RGS12: variants seen among roughly 807,000 people sequenced by gnomAD.
The protein encoded by RGS12 is regulator of G-protein signaling 12.
Under a neutral mutation model 120.1 loss-of-function variants are expected in RGS12, and 66 were observed. The observed-to-expected ratio is 0.55, with a 90% CI of 0.45 to 0.67. RGS12 has a LOEUF of 0.67. RGS12 is among the 30% of genes least tolerant of loss of function. RGS12 has a pLI of 0.00. For missense variants in RGS12, 1,859 were observed against 1,957.7 expected (o/e 0.95, Z 0.95); for synonymous variants, 827 against 804.7 (o/e 1.03, Z -0.47).
intron 4 of RGS12, among the ~76,000 whole-genome samples, chr4:3,394,325 G>A (rs570469342): frequency 6.6e-6 from 1 of 152,234 alleles, no homozygotes; most frequent in African/African-American, 2.4e-5. Context: ...ACCACGCCTG[G>A]CTAATTTTTG....
At chr4:3,313,723 C>T (rs990077143) in intron 1 of RGS12, among the ~76,000 whole-genome samples, 1 of 152,186 alleles carries the variant, frequency 6.6e-6, no homozygotes, top group African/African-American at 2.4e-5. Flanking sequence ...GGCTCGAGAC[C>T]CATCCTTGAA....
At chr4:3,356,848 A>G (rs1029716608) in intron 3 of RGS12, among the ~76,000 whole-genome samples, 7 of 152,172 alleles carry the variant, frequency 4.6e-5, no homozygotes, top group Non-Finnish European at 7.3e-5. Flanking sequence ...TAACACTGCT[A>G]TGAATATGGG....
At chr4:3,371,278 G>A (rs371434601) in intron 3 of RGS12, among the ~76,000 whole-genome samples, 21 of 152,334 alleles carry the variant, frequency 1.4e-4, no homozygotes, top group African/African-American at 5.1e-4. Flanking sequence ...CGTGCCTGCC[G>A]CGGGCCGCCT....
At position 3,417,166 on chromosome 4, in the gene RGS12, G is replaced by A. The variant is rs929402341; in HGVS notation, c.2607+74G>A. On this transcript the variant is annotated intron_variant, in intron 8 of 17. Transcript: ENST00000336727. ...AGCTGAGAGCTGTTCTGTGGGGAGT[G>A]AAAAGAGGCCCTGTCGGCGTCTTCA... 4.1e-6 allele frequency: 6 copies of A among 1,454,850 alleles called. No homozygotes were observed. In the African/African-American group the frequency reaches 8.6e-5, roughly 21 times the overall value. 90.1% of individuals were successfully genotyped at this position (1,454,850 alleles called of 1,614,324 possible).
At chr4:3,355,093 G>T (rs114764950) in intron 3 of RGS12, among the ~76,000 whole-genome samples, 7 of 152,138 alleles carry the variant, frequency 4.6e-5, no homozygotes, top group African/African-American at 1.4e-4. Flanking sequence ...TTTATAAAAA[G>T]GGTAACATAC....
At chr4:3,373,080 C>T (rs543980005) in intron 3 of RGS12, among the ~76,000 whole-genome samples, 5 of 152,238 alleles carry the variant, frequency 3.3e-5, no homozygotes, top group South Asian at 2.1e-4. Context: ...GACAGACGCT[C>T]ATGCAGGGCA....
At chr4:3,357,427 G>A (rs1714998269) in intron 3 of RGS12, among the ~76,000 whole-genome samples, 1 of 151,984 alleles carries the variant, frequency 6.6e-6, no homozygotes, top group African/African-American at 2.4e-5. Flanking sequence ...CTGTGCCTTT[G>A]ATATCCAGGA....
chr4:3,295,643 A>T (rs1231909439), intron 1 of RGS12, among the ~76,000 whole-genome samples: 2 of 149,236 alleles, frequency 1.3e-5, no homozygotes, highest in African/African-American at 2.5e-5. Context: ...CTGGGTGACA[A>T]GAGCAAAACT....
intron 4 of RGS12, among the ~76,000 whole-genome samples, chr4:3,412,575 C>T (rs1000495585): frequency 7.2e-5 from 11 of 152,244 alleles, no homozygotes; most frequent in South Asian, 2.1e-4. Flanking sequence ...CCAGCCTGGG[C>T]GGCTTATCCT....
intron 3 of RGS12, among the ~76,000 whole-genome samples, chr4:3,362,473 GGTGT>G (rs1159990819): frequency 8.5e-5 from 11 of 130,088 alleles, no homozygotes; most frequent in Admixed American, 7.1e-4. Context: ...TGTGTGTGAG[GGTGT>G]GTGTATGTGA....
At chr4:3,391,296 G>A (rs1719470955) in intron 4 of RGS12, among the ~76,000 whole-genome samples, 1 of 152,208 alleles carries the variant, frequency 6.6e-6, no homozygotes, top group Non-Finnish European at 1.5e-5. Context: ...CTTGATTTCT[G>A]CCAGGATGCC....
At chr4:3,292,018 A>G (rs1000304510), upstream of RGS12, among the ~76,000 whole-genome samples, 3 of 152,142 alleles carry the variant, frequency 2.0e-5, no homozygotes, top group Non-Finnish European at 2.9e-5. Context: ...AAGCGTTTTG[A>G]GCCCATCAAG....
Position 3,317,087 on chromosome 4 carries a change from C to T in RGS12, c.917C>T (p.Pro306Leu), listed in dbSNP as rs779601274. ...AAGCTGGCCTTCAGCGCCGTGTGCC[C>T]GGACGACCGGCGATTTTTCGGGTTG... ...AEKLAFSAVC[P>L]DDRRFFGLVT... Residue 306 changes from proline (P) to leucine (L), a missense_variant, in exon 2 of 18, where the codon CCG (proline) becomes CTG (leucine). By Grantham distance (98) the Pro-to-Leu change is moderately conservative. Coordinates refer to ENST00000336727, the MANE Select transcript of RGS12 (RefSeq NM_001394154.1). The T allele has an allele frequency of 1.6e-5, 26 of 1,613,598 alleles. No homozygotes were observed. The highest frequency in any genetic ancestry group is 5.5e-5 in the South Asian group (5 of 91,082).
At chr4:3,295,085 A>G (rs767391877) in intron 1 of RGS12, among the ~76,000 whole-genome samples, 11 of 151,900 alleles carry the variant, frequency 7.2e-5, no homozygotes, top group Non-Finnish European at 1.5e-4. Context: ...CTCGGGGAAG[A>G]AGGGGTGGCC....
chr4:3,370,172 A>G (rs1352107310), intron 3 of RGS12: 2 of 1,571,460 alleles, frequency 1.3e-6, no homozygotes, highest in East Asian at 2.3e-5. Flanking sequence ...AGGGAACTTC[A>G]TCGGAAATGC....
chr4:3,362,037 A>G (rs980210634), intron 3 of RGS12, among the ~76,000 whole-genome samples: 8 of 152,192 alleles, frequency 5.3e-5, no homozygotes, highest in Non-Finnish European at 1.0e-4. Flanking sequence ...CCTCACCCAC[A>G]GCAGGCTGCG....
At chr4:3,343,765 T>A (rs926963367) in intron 3 of RGS12, among the ~76,000 whole-genome samples, 6 of 152,030 alleles carry the variant, frequency 3.9e-5, no homozygotes, top group Non-Finnish European at 8.8e-5. Context: ...CCCTGCACCC[T>A]CCCGTTGAAC....
At position 3,434,689 on chromosome 4, in the gene RGS12, C is replaced by T. The variant is rs1320540721; in HGVS notation, c.4114+3734C>T. ...ATTCAAAAGGTCGCGTGCACCCACA[C>T]CCGAGTTTCCAATGCACAGTGCTCC... On this transcript the variant is annotated intron_variant, in intron 17 of 17. Coordinates refer to ENST00000336727, the MANE Select transcript of RGS12 (RefSeq NM_001394154.1). Among the ~76,000 whole-genome samples the T allele has an allele frequency of 2.0e-5, 3 of 152,228 alleles. No homozygotes were observed. The East Asian group carries it at 5.8e-4, about 29-fold the overall frequency.
chr4:3,430,135 C>CT (rs745438521), intron 16 of RGS12, among the ~76,000 whole-genome samples: 3 of 152,222 alleles, frequency 2.0e-5, no homozygotes, highest in Non-Finnish European at 2.9e-5. Flanking sequence ...AGTCAAGCGT[C>CT]TCGTTTGTTC....
Sources: gnomAD v4.1 joint callset for allele counts (sites outside exome capture counted in the v4.1 genomes callset) on GRCh38, gnomAD v4.1.1 for gene constraint, MANE v1.5 for transcripts, NCBI Gene and HGNC (gene_info 2026-07-23, HGNC 2026-07-21) for gene names.